TOGARAM2: variants seen among roughly 807,000 people sequenced by gnomAD.
TOGARAM2 encodes the protein TOG array regulator of axonemal microtubules protein 2.
TOGARAM2 carries 85 observed loss-of-function variants against 93.3 expected under a neutral mutation model. That is an observed-to-expected ratio of 0.91 (90% CI 0.76 to 1.09). TOGARAM2 has a LOEUF of 1.09. TOGARAM2 is among the 50% of genes least tolerant of loss of function. TOGARAM2 has a pLI of 0.00. For synonymous variants in TOGARAM2, 593 were observed against 552.8 expected, an observed-to-expected ratio of 1.07 and a Z score of -1.02; for missense variants, 1,277 against 1,334.5, an observed-to-expected ratio of 0.96 and a Z score of 0.67.
At chr2:28,976,242 G>A (rs1460627603) in intron 1 of TOGARAM2, among the ~76,000 whole-genome samples, 11 of 152,128 alleles carry the variant, frequency 7.2e-5, no homozygotes, top group Non-Finnish European at 2.9e-5. Context: ...GTGGTGGCGG[G>A]TGCCTGTAGT....
intron 1 of TOGARAM2, among the ~76,000 whole-genome samples, chr2:28,964,638 C>T (rs527549755): frequency 1.7e-4 from 25 of 150,832 alleles, no homozygotes; most frequent in African/African-American, 5.8e-4. Flanking sequence ...TCTCCCTCCC[C>T]CCACCCAACC....
At chr2:29,004,357 G>A (rs1673495989) in intron 6 of TOGARAM2, among the ~76,000 whole-genome samples, 1 of 152,198 alleles carries the variant, frequency 6.6e-6, no homozygotes, top group South Asian at 2.1e-4. Flanking sequence ...CTTAATTGAT[G>A]GATACTAAAA....
At chr2:28,961,637 G>A (rs564725098) in intron 1 of TOGARAM2, among the ~76,000 whole-genome samples, 18 of 152,220 alleles carry the variant, frequency 1.2e-4, no homozygotes, top group African/African-American at 3.6e-4. Context: ...CACTGCACCC[G>A]GCATGAGGTG....
intron 8 of TOGARAM2, 108 bp downstream of exon 8, chr2:29,014,669 G>A (rs770741062): frequency 2.8e-5 from 39 of 1,392,126 alleles, no homozygotes; most frequent in Non-Finnish European, 3.5e-5. Context: ...CCACAGAGCA[G>A]AGCAAGGAGA....
rs369163576 is a variant in TOGARAM2, at chr2:29,042,100, G to A, written c.2636-3224G>A. Among the ~76,000 whole-genome samples, 95 of 152,304 alleles carry A rather than the reference G, an allele frequency of 6.2e-4. 1 individual carries two copies. Among genetic ancestry groups the A allele is most frequent in the African/African-American group, 2.1e-3 (89 of 41,570 alleles). On this transcript the variant is annotated intron_variant, in intron 18 of 19. Transcript: ENST00000379558. ...ATGGAAGAACCAGGATTCAAACCCA[G>A]GCAATCTGTATTCAGAGCTCTTACA...
chr2:28,987,425 G>A (rs1672517168), intron 1 of TOGARAM2, among the ~76,000 whole-genome samples: 1 of 152,092 alleles, frequency 6.6e-6, no homozygotes, highest in Non-Finnish European at 1.5e-5. Flanking sequence ...GAGTAGCTGG[G>A]ACCGCAGGCA....
chr2:29,012,426 C>T (rs576250601), intron 7 of TOGARAM2, among the ~76,000 whole-genome samples: 35 of 152,326 alleles, frequency 2.3e-4, no homozygotes, highest in African/African-American at 8.2e-4. Context: ...CCCCTGCTCC[C>T]GGGCCAGGCT....
chr2:29,033,358 G>A lies in TOGARAM2; in HGVS notation c.2131-111G>A, dbSNP rs148172277. 1.2e-4 allele frequency: 119 copies of A among 1,012,730 alleles called. No individual in the cohort carries two copies. In the African/African-American group the frequency reaches 1.8e-3, roughly 15 times the overall value. The allele number at this position is 1,012,730 out of a possible 1,614,324, so 62.7% of individuals were successfully genotyped here. On this transcript the variant is annotated intron_variant, in intron 15 of 19. Transcript: ENST00000379558. ...GGAAGGCTCAACTGTGACATCTGAA[G>A]CTCTCCTAGGTGGAAGGGATTATTG...
chr2:28,980,395 C>T (rs546730546), upstream of TOGARAM2, among the ~76,000 whole-genome samples: 1 of 152,366 alleles, frequency 6.6e-6, no homozygotes, highest in East Asian at 1.9e-4. Context: ...CACCAGCCAT[C>T]CCTGTGTGTT....
chr2:29,034,434 C>T (rs1360831045), intron 16 of TOGARAM2, among the ~76,000 whole-genome samples: 1 of 152,256 alleles, frequency 6.6e-6, no homozygotes, highest in African/African-American at 2.4e-5. Flanking sequence ...ATGTATCTAT[C>T]TTCCCTTGGT....
chr2:29,045,401 C>G lies in TOGARAM2; in HGVS notation c.2713C>G (p.Arg905Gly), dbSNP rs149465089. Reference protein sequence around the residue: ...SGRAVLDVTDRLAVLVASVYP... With the variant: ...SGRAVLDVTDGLAVLVASVYP... ...CCGTGCGGTGCTGGATGTCACAGAT[C>G]GCCTGGCAGGTGAGCACCCCCAGCC... The change falls in exon 19 of 20, where the codon CGC becomes GGC. Residue 905 changes from arginine to glycine, a missense_variant. Transcript: ENST00000379558. 6.2e-7 allele frequency: 1 copy of G among 1,613,266 alleles called. No individual in the cohort carries two copies.
intron 14 of TOGARAM2, among the ~76,000 whole-genome samples, chr2:29,031,190 G>C (rs1416139413): frequency 1.3e-5 from 2 of 152,214 alleles, no homozygotes; most frequent in South Asian, 4.1e-4. Context: ...ATGGGGTCTT[G>C]CTATGTTGCC....
At chr2:28,976,303 G>A (rs930510186), upstream of TOGARAM2, among the ~76,000 whole-genome samples, 2 of 152,170 alleles carry the variant, frequency 1.3e-5, no homozygotes, top group Non-Finnish European at 2.9e-5. Flanking sequence ...CCTGGAAGGC[G>A]GAGCTTGCAG....
Position 29,017,184 on chromosome 2 carries a change from G to C in TOGARAM2, c.1075G>C (p.Glu359Gln), listed in dbSNP as rs61730371. Residue 359 changes from glutamate to glutamine, a missense_variant, in exon 9 of 20, where the codon GAG (glutamate) becomes CAG (glutamine). Coordinates refer to ENST00000379558, the MANE Select transcript of TOGARAM2 (RefSeq NM_199280.4). The part of the protein sequence containing the change: ...IQVTISKSAR[E>Q]KMQLKQMKEM... ...AGTCACCATCTCCAAGTCTGCCCGG[G>C]AGAAGATGCAGCTGAAGCAGATGAA... The C allele has an allele frequency of 2.8e-3, 4,556 of 1,613,888 alleles. 8 individuals carry two copies. The highest frequency in any genetic ancestry group is 3.6e-3 in the Non-Finnish European group (4,232 of 1,179,818).
chr2:29,036,564 G>T lies in TOGARAM2; in HGVS notation c.2442G>T (p.Arg814Ser), dbSNP rs570290409. 7 of 1,613,952 alleles carry T rather than the reference G, an allele frequency of 4.3e-6. No individual in the cohort carries two copies. The Admixed American group carries it at 6.7e-5, about 15-fold the overall frequency. ...LVQVFDAFTP[R>S]LQDSNKKVNQ... ...AGGTCTTTGATGCTTTCACCCCAAGGCTTCAGGATTCCAACAAGAAAGTGA... is the reference window on the plus strand; with the variant it reads ...AGGTCTTTGATGCTTTCACCCCAAGTCTTCAGGATTCCAACAAGAAAGTGA... Residue 814 changes from arginine (R) to serine (S), a missense_variant, in exon 18 of 20, where the codon AGG (arginine) becomes AGT (serine). Arg to Ser is a moderately radical substitution (Grantham distance 110). Transcript: ENST00000379558.
At chr2:28,957,163 G>A (rs1189574710) in intron 1 of TOGARAM2, among the ~76,000 whole-genome samples, 1 of 152,162 alleles carries the variant, frequency 6.6e-6, no homozygotes, top group Non-Finnish European at 1.5e-5. Flanking sequence ...TTGGGCTTGT[G>A]ATAAGCCAAT....
chr2:28,975,479 T>C (rs75843562), intron 1 of TOGARAM2, among the ~76,000 whole-genome samples: 23,360 of 151,916 alleles, frequency 0.15, 2,877 homozygotes, highest in East Asian at 0.61. Context: ...TGAGCCAGTG[T>C]GCGAGCCACT....
intron 18 of TOGARAM2, among the ~76,000 whole-genome samples, chr2:29,040,464 T>A (rs1558466350): frequency 6.6e-6 from 1 of 152,236 alleles, no homozygotes; most frequent in Non-Finnish European, 1.5e-5. Flanking sequence ...ACATGGTTGT[T>A]GTAGGGTAAA....
At chr2:28,957,956 A>G (rs1274007670) in intron 1 of TOGARAM2, among the ~76,000 whole-genome samples, 2 of 152,144 alleles carry the variant, frequency 1.3e-5, no homozygotes, top group East Asian at 1.9e-4. Flanking sequence ...TTGAGCAACT[A>G]ATTAGGATGT....
Sources: allele counts gnomAD v4.1 joint callset (sites outside exome capture counted in the v4.1 genomes callset), GRCh38; gene constraint gnomAD v4.1.1; transcripts MANE v1.5; gene names NCBI Gene and HGNC (gene_info 2026-07-23, HGNC 2026-07-21).